The following RARB variants were observed in gnomAD, a reference collection of about 807,000 sequenced individuals.
RARB encodes retinoic acid receptor beta.
RARB carries 17 observed loss-of-function variants against 51.9 expected under a neutral mutation model. The observed-to-expected ratio is 0.33, with a 90% CI of 0.22 to 0.49. RARB has a LOEUF of 0.49. Among genes scored for constraint, RARB ranks in the 20% least tolerant of loss-of-function variants. The pLI, the probability that RARB is intolerant of heterozygous loss-of-function variation, is 0.99. For synonymous variants in RARB, 215 were observed against 195.4 expected (o/e 1.10, Z -0.84); for missense variants, 369 against 550.8 (o/e 0.67, Z 3.30).
chr3:25,029,231 C>A (rs1473956023), intron 2 of RARB, among the ~76,000 whole-genome samples: 1 of 152,206 alleles, frequency 6.6e-6, no homozygotes, highest in Non-Finnish European at 1.5e-5. Context: ...CACACTCAAA[C>A]TGAGACTAAA....
chr3:24,829,569 G>T (rs1404963210), intron 1 of RARB, among the ~76,000 whole-genome samples: 2 of 152,222 alleles, frequency 1.3e-5, no homozygotes, highest in African/African-American at 4.8e-5. Context: ...GCGGGGCCGG[G>T]GGCTGGGGGT....
intron 2 of RARB, among the ~76,000 whole-genome samples, chr3:24,921,131 T>C (rs748722471): frequency 3.9e-5 from 6 of 152,100 alleles, no homozygotes. Flanking sequence ...GAAAGAGAAT[T>C]CTGATTTTTT....
chr3:24,926,111 GT>G (rs1695315293), intron 2 of RARB, among the ~76,000 whole-genome samples: 1 of 151,954 alleles, frequency 6.6e-6, no homozygotes. Flanking sequence ...TTACAATTTC[GT>G]TTTCTTAATC....
At chr3:25,076,294 C>A (rs1307437632) in intron 3 of RARB, among the ~76,000 whole-genome samples, 1 of 152,130 alleles carries the variant, frequency 6.6e-6, no homozygotes, top group African/African-American at 2.4e-5. Context: ...GTACCCACCA[C>A]CATTCCGGCT....
At chr3:25,174,574 A>C (rs1377394923) in exon 5 of RARB, 1 of 1,352,062 alleles carries the variant, frequency 7.4e-7, no homozygotes, top group Admixed American at 1.9e-5. Flanking sequence ...CGTCGCCGGC[A>C]AGTAAGTCCT....
At chr3:24,972,321 C>T (rs1049111076) in intron 2 of RARB, among the ~76,000 whole-genome samples, 17 of 151,858 alleles carry the variant, frequency 1.1e-4, no homozygotes, top group African/African-American at 4.1e-4. Flanking sequence ...ACATGGTTTC[C>T]TTCTTTTTGT....
At chr3:25,205,769 G>T (rs981324897) in intron 5 of RARB, among the ~76,000 whole-genome samples, 2 of 151,496 alleles carry the variant, frequency 1.3e-5, no homozygotes, top group Non-Finnish European at 2.9e-5. Flanking sequence ...TTGAGACGGG[G>T]TCTCACTCTG....
chr3:25,104,354 C>T (rs1044114283), intron 3 of RARB, among the ~76,000 whole-genome samples: 1 of 152,110 alleles, frequency 6.6e-6, no homozygotes, highest in African/African-American at 2.4e-5. Context: ...CCCATTTATT[C>T]CATTCCTAGG....
chr3:25,313,921 A>G (rs1362254065), intron 5 of RARB, among the ~76,000 whole-genome samples: 1 of 151,986 alleles, frequency 6.6e-6, no homozygotes, highest in African/African-American at 2.4e-5. Context: ...AAGAAAAAAA[A>G]TTAGCTAGGT....
At chr3:25,459,147 T>C (rs1695048600) in intron 1 of RARB, among the ~76,000 whole-genome samples, 1 of 152,176 alleles carries the variant, frequency 6.6e-6, no homozygotes, top group Admixed American at 6.5e-5. Context: ...GGAAATAAAA[T>C]AGTGAGACAG....
At chr3:25,216,914 T>G (rs1305837540) in intron 5 of RARB, among the ~76,000 whole-genome samples, 1 of 152,132 alleles carries the variant, frequency 6.6e-6, no homozygotes, top group African/African-American at 2.4e-5. Context: ...TCCCACACTG[T>G]AGAGTCCCAT....
intron 3 of RARB, among the ~76,000 whole-genome samples, chr3:25,504,064 C>T (rs1336586947): frequency 6.6e-6 from 1 of 152,206 alleles, no homozygotes; most frequent in Non-Finnish European, 1.5e-5. Flanking sequence ...CATGTCAGTT[C>T]ATCTGTATGT....
chr3:25,088,772 C>A (rs1374838830), intron 3 of RARB, among the ~76,000 whole-genome samples: 3 of 152,050 alleles, frequency 2.0e-5, no homozygotes, highest in Non-Finnish European at 4.4e-5. Flanking sequence ...ATTAGTATTT[C>A]AAGTTATTAG....
rs375734087 is a variant in RARB, at chr3:25,513,084, C to A, written c.448+11761C>A. Among the ~76,000 whole-genome samples, 136 of 149,524 alleles carry A rather than the reference C, an allele frequency of 9.1e-4. 3 individuals are homozygous for A. The South Asian group carries it at 0.029, about 31-fold the overall frequency. On this transcript the variant is annotated intron_variant, in intron 3 of 7. Transcript: ENST00000330688. Reference sequence around the variant, plus strand: ...CACGAGGTCAGGAGATTGAGACCATCCCAGCTAACACGGTAAAACCCTGTC... The same window carrying A: ...CACGAGGTCAGGAGATTGAGACCATACCAGCTAACACGGTAAAACCCTGTC...
intron 2 of RARB, among the ~76,000 whole-genome samples, chr3:24,929,637 G>T (rs1343105765): frequency 6.6e-6 from 1 of 152,118 alleles, no homozygotes; most frequent in Non-Finnish European, 1.5e-5. Context: ...GGGTACAAAA[G>T]AAACAACAGT....
At chr3:25,570,750 T>C (rs1700676434) in intron 4 of RARB, among the ~76,000 whole-genome samples, 3 of 152,218 alleles carry the variant, frequency 2.0e-5, no homozygotes, top group Admixed American at 6.5e-5. Flanking sequence ...AGATATTTGA[T>C]GAATTAATAC....
intron 5 of RARB, among the ~76,000 whole-genome samples, chr3:25,224,121 A>T (rs1056988858): frequency 3.9e-5 from 6 of 152,228 alleles, no homozygotes; most frequent in African/African-American, 1.4e-4. Context: ...TGAACTCTTG[A>T]AAATGGCCTC....
At position 25,022,652 on chromosome 3, in the gene RARB, C is replaced by T. The variant is rs190080837; in HGVS notation, c.-379-37473C>T. Among the ~76,000 whole-genome samples, 14 of 152,234 alleles carry T rather than the reference C, an allele frequency of 9.2e-5. No homozygotes were observed. In the East Asian group the frequency reaches 2.5e-3, roughly 27 times the overall value. On this transcript the variant is annotated intron_variant, in intron 2 of 11. Coordinates refer to the RARB transcript ENST00000383772. ...CCGTTCTGTTGAGTATATAGCATCACATTGTAGATTTAATTGAATTTCTAA... is the reference window on the plus strand; with the variant it reads ...CCGTTCTGTTGAGTATATAGCATCATATTGTAGATTTAATTGAATTTCTAA...
intron 5 of RARB, among the ~76,000 whole-genome samples, chr3:25,383,801 G>C (rs541043920): frequency 2.6e-5 from 4 of 151,982 alleles, no homozygotes; most frequent in East Asian, 3.9e-4. Flanking sequence ...GTGGTGGCAG[G>C]CACCTGTAAT....
Sources: gnomAD v4.1 joint callset for allele counts (sites outside exome capture counted in the v4.1 genomes callset) on GRCh38, gnomAD v4.1.1 for gene constraint, MANE v1.5 for transcripts, NCBI Gene and HGNC (gene_info 2026-07-23, HGNC 2026-07-21) for gene names.